Variants in ESRRB observed in about 807,000 individuals in gnomAD.
ESRRB encodes estrogen related receptor beta.
In ESRRB, 16 loss-of-function variants were observed where a neutral mutation model predicts 46.0. The observed-to-expected ratio is 0.35, with a 90% confidence interval of 0.24 to 0.53. The LOEUF (loss-of-function observed/expected upper bound fraction) is 0.53. ESRRB is among the 20% of genes least tolerant of loss of function. ESRRB has a pLI of 0.93. For synonymous variants in ESRRB, 246 were observed against 259.6 expected (o/e 0.95, Z 0.50); for missense variants, 488 against 607.4 (o/e 0.80, Z 2.07).
intron 3 of ESRRB, among the ~76,000 whole-genome samples, chr14:76,463,858 C>T (rs1338309664): frequency 2.6e-5 from 4 of 152,060 alleles, no homozygotes; most frequent in Non-Finnish European, 5.9e-5. Context: ...CTGATTTGCT[C>T]CTTTTTTTAT....
intron 1 of ESRRB, among the ~76,000 whole-genome samples, chr14:76,434,364 AC>A (rs1423672318): frequency 6.6e-6 from 1 of 152,178 alleles, no homozygotes. Flanking sequence ...TTAAGAAATA[AC>A]AGCGAAGCTG....
upstream of ESRRB, among the ~76,000 whole-genome samples, chr14:76,369,544 G>T (rs1414854397): frequency 6.6e-6 from 1 of 151,998 alleles, no homozygotes; most frequent in Non-Finnish European, 1.5e-5. Context: ...AAAATGCTGG[G>T]ATTATAGGCA....
At position 76,328,122 on chromosome 14, in the gene ESRRB, G is replaced by T. The variant is rs145105439; in HGVS notation, c.2+17206G>T. On this transcript the variant is annotated intron_variant, in intron 1 of 6. Coordinates refer to the ESRRB transcript ENST00000512784. Reference sequence around the variant, plus strand: ...AGAGGAGACCTCAAACAAGTAAGGAGTACTTCCCCATTTTATAGGATGAGA... The same window carrying T: ...AGAGGAGACCTCAAACAAGTAAGGATTACTTCCCCATTTTATAGGATGAGA... Among the ~76,000 whole-genome samples, 50 of 152,274 alleles carry T rather than the reference G, an allele frequency of 3.3e-4. No homozygotes were observed. In the East Asian group the frequency reaches 8.9e-3, roughly 27 times the overall value.
At chr14:76,456,229 C>G (rs1294324302) in intron 2 of ESRRB, among the ~76,000 whole-genome samples, 1 of 152,142 alleles carries the variant, frequency 6.6e-6, no homozygotes, top group Non-Finnish European at 1.5e-5. Flanking sequence ...ATCTGGATCC[C>G]TTGCTTTAGC....
intron 1 of ESRRB, among the ~76,000 whole-genome samples, chr14:76,424,104 C>T (rs1282543126): frequency 6.6e-6 from 1 of 152,202 alleles, no homozygotes; most frequent in East Asian, 1.9e-4. Context: ...CCTCAGTTTG[C>T]TCCTCTGCAA....
chr14:76,366,626 G>T (rs1884525395), upstream of ESRRB, among the ~76,000 whole-genome samples: 1 of 152,154 alleles, frequency 6.6e-6, no homozygotes, highest in African/African-American at 2.4e-5. Flanking sequence ...GGTCGCCCCG[G>T]GAAGTAGCAG....
rs1309573058 is a variant in ESRRB at position 76,405,312 on chromosome 14, G to A, written c.50+28861G>A. 2.6e-5 allele frequency among the ~76,000 whole-genome samples: 4 copies of A among 151,960 alleles called. No homozygotes were observed. In the East Asian group the frequency reaches 5.8e-4, roughly 22 times the overall value. On this transcript the variant is annotated intron_variant, in intron 1 of 6. Transcript: ENST00000644823. ...TTTTTTGTAGAGACAGGTTCTTGCT[G>A]TGTTGGCCAGGCTGGTCTCAAACTC...
At chr14:76,330,499 G>T (rs887176428) in intron 1 of ESRRB, among the ~76,000 whole-genome samples, 1 of 152,228 alleles carries the variant, frequency 6.6e-6, no homozygotes, top group Non-Finnish European at 1.5e-5. Context: ...CATCATGGCC[G>T]CTGGCCCTGG....
At chr14:76,335,074 G>A (rs937358399) in intron 1 of ESRRB, among the ~76,000 whole-genome samples, 7 of 152,130 alleles carry the variant, frequency 4.6e-5, no homozygotes, top group East Asian at 1.9e-4. Context: ...GATGAAGGGC[G>A]CCGTAGTTCC....
intron 1 of ESRRB, among the ~76,000 whole-genome samples, chr14:76,377,718 A>C (rs1206211188): frequency 6.6e-6 from 1 of 151,962 alleles, no homozygotes; most frequent in Admixed American, 6.6e-5. Flanking sequence ...ACTCTGGATC[A>C]TGTGGGGTCC....
intron 1 of ESRRB, among the ~76,000 whole-genome samples, chr14:76,358,894 G>A (rs1234121849): frequency 6.6e-6 from 1 of 152,180 alleles, no homozygotes; most frequent in Admixed American, 6.5e-5. Context: ...TCTTCTCCAT[G>A]ACTTGAGCGC....
chr14:76,479,501 C>T (rs1889722796), intron 3 of ESRRB, among the ~76,000 whole-genome samples: 1 of 152,200 alleles, frequency 6.6e-6, no homozygotes, highest in Non-Finnish European at 1.5e-5. Flanking sequence ...AGTTACAAAA[C>T]CTGACCTTCT....
intron 1 of ESRRB, among the ~76,000 whole-genome samples, chr14:76,409,618 C>A (rs1433231677): frequency 4.5e-5 from 3 of 66,458 alleles, no homozygotes. Context: ...GGGGTGGGGG[C>A]GGGGGTGGGA....
chr14:76,409,759 C>G lies in ESRRB; in HGVS notation c.51-29582C>G, dbSNP rs1455805449. 3.3e-5 allele frequency among the ~76,000 whole-genome samples: 5 copies of G among 151,342 alleles called. No individual in the cohort carries two copies. In the East Asian group the frequency reaches 7.8e-4, roughly 24 times the overall value. On this transcript the variant is annotated intron_variant, in intron 1 of 6. Coordinates refer to ENST00000644823, the MANE Select transcript of ESRRB (RefSeq NM_001379180.1). ...ATTAGCCAAACAAGCTGAGGGGGCT[C>G]CTTTGGGGAGAGGGTTTTTGGGGGA... is the stretch of plus-strand genomic sequence containing the variant.
intron 1 of ESRRB, among the ~76,000 whole-genome samples, chr14:76,399,986 G>C (rs1330070640): frequency 1.3e-5 from 2 of 152,150 alleles, no homozygotes; most frequent in African/African-American, 4.8e-5. Context: ...AATAAATAAT[G>C]GCCCAGCAAG....
chr14:76,434,166 T>A (rs2139919950), intron 1 of ESRRB, among the ~76,000 whole-genome samples: 1 of 152,248 alleles, frequency 6.6e-6, no homozygotes, highest in East Asian at 1.9e-4. Flanking sequence ...TTCATTCGAA[T>A]GAATGAACAC....
intron 1 of ESRRB, among the ~76,000 whole-genome samples, chr14:76,434,816 G>C (rs1381949887): frequency 6.6e-6 from 1 of 152,214 alleles, no homozygotes; most frequent in Non-Finnish European, 1.5e-5. Context: ...CCTGGTAGCA[G>C]AGAGGCAGAG....
chr14:76,350,781 T>C (rs2139760637), intron 1 of ESRRB, among the ~76,000 whole-genome samples: 1 of 152,270 alleles, frequency 6.6e-6, no homozygotes, highest in African/African-American at 2.4e-5. Flanking sequence ...GATGCCACCA[T>C]GGACCACCTG....
chr14:76,320,348 C>G (rs958458256), intron 1 of ESRRB, among the ~76,000 whole-genome samples: 1 of 152,184 alleles, frequency 6.6e-6, no homozygotes, highest in Non-Finnish European at 1.5e-5. Context: ...TGGCTTTCTA[C>G]GAGCCACTTC....
Sources: gnomAD v4.1 joint callset for allele counts (sites outside exome capture counted in the v4.1 genomes callset) on GRCh38, gnomAD v4.1.1 for gene constraint, MANE v1.5 for transcripts, NCBI Gene and HGNC (gene_info 2026-07-23, HGNC 2026-07-21) for gene names.